NEK11: variants seen among roughly 807,000 people sequenced by gnomAD.
The protein encoded by NEK11 is serine/threonine-protein kinase Nek11.
A neutral mutation model predicts 80.7 loss-of-function variants in NEK11; 72 were observed. That is an observed-to-expected ratio of 0.89 (90% CI 0.74 to 1.08). The LOEUF is 1.08. NEK11 is among the 50% of genes least tolerant of loss of function. The pLI, the probability that NEK11 is intolerant of heterozygous loss-of-function variation, is 0.00. For synonymous variants in NEK11, 251 were observed against 260.7 expected (o/e 0.96, Z 0.36); for missense variants, 764 against 763.6 (o/e 1.00, Z -0.01).
chr3:131,054,420 G>A (rs1411768810), intron 3 of NEK11: 1 of 152,068 alleles, frequency 6.6e-6, no homozygotes. Flanking sequence ...TAAATCTAGA[G>A]GAACTGCAGG....
intron 14 of NEK11, among the ~76,000 whole-genome samples, chr3:131,219,532 A>G (rs1163120796): frequency 6.9e-6 from 1 of 145,538 alleles, no homozygotes. Context: ...TGTTCTGCAC[A>G]TGTATCCCCA....
At chr3:131,335,650 T>C (rs2097169471) in intron 17 of NEK11, among the ~76,000 whole-genome samples, 1 of 152,122 alleles carries the variant, frequency 6.6e-6, no homozygotes, top group Non-Finnish European at 1.5e-5. Context: ...ATAAAGGGTA[T>C]TCAATTAGGA....
chr3:131,344,835 C>T (rs957807738), intron 17 of NEK11, among the ~76,000 whole-genome samples: 4 of 152,136 alleles, frequency 2.6e-5, no homozygotes, highest in Non-Finnish European at 5.9e-5. Context: ...CATTCCCTAT[C>T]ACAAGGACAG....
At chr3:131,124,483 G>A (rs1218998079) in intron 5 of NEK11, among the ~76,000 whole-genome samples, 3 of 151,984 alleles carry the variant, frequency 2.0e-5, no homozygotes, top group African/African-American at 7.3e-5. Context: ...ATATCCCCCT[G>A]CCACATTCAC....
intron 3 of NEK11, among the ~76,000 whole-genome samples, chr3:131,040,755 A>G (rs1290777533): frequency 1.3e-5 from 2 of 152,184 alleles, no homozygotes; most frequent in Non-Finnish European, 2.9e-5. Context: ...ATATTGTCCT[A>G]CATACTAGGT....
At chr3:131,114,637 A>C (rs1264836161) in intron 5 of NEK11, among the ~76,000 whole-genome samples, 1 of 152,178 alleles carries the variant, frequency 6.6e-6, no homozygotes, top group Non-Finnish European at 1.5e-5. Flanking sequence ...ACCACTCTTA[A>C]TGTCAGAGGG....
intron 7 of NEK11, among the ~76,000 whole-genome samples, chr3:131,138,617 A>G (rs2086158481): frequency 6.6e-6 from 1 of 152,128 alleles, no homozygotes; most frequent in Non-Finnish European, 1.5e-5. Context: ...GTGCCACTAC[A>G]GTCCCAGTAG....
chr3:131,263,410 T>G (rs1254466336), intron 16 of NEK11, among the ~76,000 whole-genome samples: 6 of 152,222 alleles, frequency 3.9e-5, no homozygotes, highest in Non-Finnish European at 1.5e-5. Context: ...GGCTCTGTTC[T>G]GTTCCATTGG....
At chr3:131,345,200 T>A (rs937123657) in intron 17 of NEK11, among the ~76,000 whole-genome samples, 1 of 152,160 alleles carries the variant, frequency 6.6e-6, no homozygotes, top group African/African-American at 2.4e-5. Flanking sequence ...AATGGGAGTA[T>A]GTAAAACTAA....
intron 14 of NEK11, among the ~76,000 whole-genome samples, chr3:131,190,212 G>T (rs757070147): frequency 5.9e-5 from 9 of 152,038 alleles, no homozygotes; most frequent in Admixed American, 2.6e-4. Flanking sequence ...ACTACTGTTC[G>T]AGCACTCACA....
intron 16 of NEK11, among the ~76,000 whole-genome samples, chr3:131,250,629 C>T (rs1210724464): frequency 1.3e-5 from 2 of 151,940 alleles, no homozygotes; most frequent in African/African-American, 2.4e-5. Flanking sequence ...AGGGGATTCC[C>T]AGAATGAGAG....
intron 14 of NEK11, among the ~76,000 whole-genome samples, chr3:131,217,257 A>G (rs984171541): frequency 4.6e-5 from 7 of 152,210 alleles, no homozygotes; most frequent in African/African-American, 1.4e-4. Context: ...CCTTTTCCCA[A>G]ACAGCAAAGT....
At chr3:131,113,634 C>CGGGCACA (rs2080492626) in intron 5 of NEK11, among the ~76,000 whole-genome samples, 1 of 151,996 alleles carries the variant, frequency 6.6e-6, no homozygotes, top group Admixed American at 6.6e-5. Flanking sequence ...AAAAGCAGGC[C>CGGGCACA]GGGCACAGTG....
intron 14 of NEK11, among the ~76,000 whole-genome samples, chr3:131,199,547 A>G (rs2094150733): frequency 6.6e-6 from 1 of 152,114 alleles, no homozygotes; most frequent in Non-Finnish European, 1.5e-5. Context: ...CAGTTTTTTA[A>G]AAAATATCAT....
intron 3 of NEK11, among the ~76,000 whole-genome samples, chr3:131,063,805 A>T (rs2071364433): frequency 6.6e-6 from 1 of 152,196 alleles, no homozygotes; most frequent in Non-Finnish European, 1.5e-5. Flanking sequence ...TACCCGTATG[A>T]CCTAGCAATT....
intron 17 of NEK11, among the ~76,000 whole-genome samples, chr3:131,296,875 T>C (rs2096599497): frequency 1.3e-5 from 2 of 151,528 alleles, no homozygotes; most frequent in African/African-American, 2.4e-5. Context: ...TGGGTTCTCA[T>C]TGTTCAATTC....
At chr3:131,170,081 C>A (rs953605450) in intron 13 of NEK11, among the ~76,000 whole-genome samples, 1 of 152,092 alleles carries the variant, frequency 6.6e-6, no homozygotes, top group Non-Finnish European at 1.5e-5. Context: ...TTTAAATTTT[C>A]TTTTATTAAA....
intron 3 of NEK11, among the ~76,000 whole-genome samples, chr3:131,032,892 CTT>C (rs889028353): frequency 6.6e-6 from 1 of 152,128 alleles, no homozygotes; most frequent in African/African-American, 2.4e-5. Flanking sequence ...CCTAAGAAAA[CTT>C]TAGCTAATTA....
intron 14 of NEK11, among the ~76,000 whole-genome samples, chr3:131,178,860 A>T (rs1347093574): frequency 6.6e-6 from 1 of 152,272 alleles, no homozygotes; most frequent in African/African-American, 2.4e-5. Flanking sequence ...TTTTAGTTTA[A>T]TTATTATCTT....
Sources: allele counts gnomAD v4.1 joint callset (sites outside exome capture counted in the v4.1 genomes callset), GRCh38; gene constraint gnomAD v4.1.1; transcripts MANE v1.5; gene names NCBI Gene and HGNC (gene_info 2026-07-23, HGNC 2026-07-21).